GPR132: variants seen among roughly 807,000 people sequenced by gnomAD.
GPR132 encodes the protein probable G protein-coupled receptor 132.
GPR132 carries 4 observed loss-of-function variants against 1.9 expected under a neutral mutation model. That is an observed-to-expected ratio of 2.13 (90% CI 1.05 to 4.87). The LOEUF (loss-of-function observed/expected upper bound fraction) is 4.87, where lower values mean the gene tolerates loss of function less well. Among genes scored for constraint, GPR132 ranks in the 30% most tolerant of loss-of-function variants. The pLI, the probability that GPR132 is intolerant of heterozygous loss-of-function variation, is 0.01. For synonymous variants in GPR132, 233 were observed against 234.2 expected (o/e 0.99, Z 0.05); for missense variants, 404 against 512.5 (o/e 0.79, Z 2.04).
At position 105,051,123 on chromosome 14, in the gene GPR132, G is replaced by A. The variant is rs777642476; in HGVS notation, c.1014C>T (p.Leu338=). The A allele has an allele frequency of 3.7e-6, 6 of 1,614,072 alleles. No individual in the cohort carries two copies. Among genetic ancestry groups the A allele is most frequent in the Admixed American group, 1.7e-5 (1 of 60,006 alleles). Residue 338 remains leucine (L), a synonymous_variant, in exon 4 of 4, where the codon CTC becomes CTT. Transcript: ENST00000329797. The surrounding 1 kb of genome is among the most constrained non-coding windows in gnomAD (Gnocchi z 8.0). ...GCTCCTCGGTGTCCCTGCTGTGGGT[G>A]AGCCTGGTGACGTCTGTCTTCATGG... ...EWSMKTDVTR[L]THSRDTEELQ...
chr14:105,059,437 G>T lies in GPR132; in HGVS notation c.-860-2157C>A, dbSNP rs1392413634. The stretch of plus-strand genomic sequence containing the variant: ...AGTATCTTGGGCCCCTTCAAGCTGG[G>T]AACTGCTCAGCGCCGATCTGCCTGG... On this transcript the variant is annotated intron_variant, in intron 1 of 3. Transcript: ENST00000329797. The surrounding 1 kb of genome is among the most constrained non-coding windows in gnomAD (Gnocchi z 4.2). Among the ~76,000 whole-genome samples the T allele has an allele frequency of 1.3e-5, 2 of 152,138 alleles. No homozygotes were observed. Among genetic ancestry groups the T allele is most frequent in the Admixed American group, 1.3e-4 (2 of 15,280 alleles).
chr14:105,051,968 C>T lies in GPR132; in HGVS notation c.169G>A (p.Val57Met). Residue 57 changes from valine (V) to methionine (M), a missense_variant, in exon 4 of 4, where the codon GTG becomes ATG. Physicochemically the swap from Val to Met is conservative, Grantham distance 21. Coordinates refer to ENST00000329797, the MANE Select transcript of GPR132 (RefSeq NM_013345.4). This position sits in a 1 kb window ranked among gnomAD's most constrained non-coding sequence, Gnocchi z 8.0. ...CACGCAGTCAGGCAGTTGGCCGGCA[C>T]CCCCAGCGTGCACACCGCGCTGTAC... ...VVYSAVCTLG[V>M]PANCLTAWLA... 1 of 1,613,266 alleles carries T rather than the reference C, an allele frequency of 6.2e-7. No homozygotes were observed. Among genetic ancestry groups the T allele is most frequent in the Non-Finnish European group, 8.5e-7 (1 of 1,179,930 alleles).
At position 105,059,147 on chromosome 14, in the gene GPR132, C is replaced by T. The variant is rs558752303; in HGVS notation, c.-860-1867G>A. ...GCACACTCCCCTCCCAGGGCAGGGCCGGCCCGGCTGCGGGCAGAGCCCCTA... is the reference window on the plus strand; with the variant it reads ...GCACACTCCCCTCCCAGGGCAGGGCTGGCCCGGCTGCGGGCAGAGCCCCTA... On this transcript the variant is annotated intron_variant, in intron 1 of 3. Coordinates refer to ENST00000329797, the MANE Select transcript of GPR132 (RefSeq NM_013345.4). This position sits in a 1 kb window ranked among gnomAD's most constrained non-coding sequence, Gnocchi z 4.2. Among the ~76,000 whole-genome samples the T allele has an allele frequency of 2.6e-5, 4 of 152,318 alleles. No homozygotes were observed. The highest frequency in any genetic ancestry group is 3.9e-4 in the East Asian group (2 of 5,172).
chr14:105,054,202 C>T (rs535209579), intron 3 of GPR132: 2 of 1,220,174 alleles, frequency 1.6e-6, no homozygotes, highest in South Asian at 1.4e-5. Context: ...ACTTATTGGG[C>T]CACAGCAGCC....
At chr14:105,057,103 G>T in intron 2 of GPR132, 64 bp downstream of exon 2, 1 of 1,219,918 alleles carries the variant, frequency 8.2e-7, no homozygotes, top group Non-Finnish European at 1.2e-6. Flanking sequence ...GAGACAACAT[G>T]CTTCATGGAA....
In GPR132 at chr14:105,060,509, C is replaced by G. The variant is rs1566736571; in HGVS notation, c.-860-3229G>C. Among the ~76,000 whole-genome samples the G allele has an allele frequency of 6.6e-6, 1 of 152,232 alleles. No homozygotes were observed. The highest frequency in any genetic ancestry group is 2.4e-5 in the African/African-American group (1 of 41,464). On this transcript the variant is annotated intron_variant, in intron 1 of 3. Transcript: ENST00000329797. The surrounding 1 kb of genome is among the most constrained non-coding windows in gnomAD (Gnocchi z 6.3). ...CAGTGGCCCTAGAAGCCCACATACT[C>G]TTGCTCGCTGGTGTCTACTCCGATT... is the stretch of plus-strand genomic sequence containing the variant.
At position 105,051,969 on chromosome 14, in the gene GPR132, C is replaced by T; in HGVS notation, c.168G>A (p.Gly56=). ...ACGCAGTCAGGCAGTTGGCCGGCACCCCCAGCGTGCACACCGCGCTGTACA... is the reference window on the plus strand; with the variant it reads ...ACGCAGTCAGGCAGTTGGCCGGCACTCCCAGCGTGCACACCGCGCTGTACA... ...VVVYSAVCTL[G]VPANCLTAWL... The change falls in exon 4 of 4, where the codon GGG becomes GGA. Residue 56 remains glycine (G), a synonymous_variant. Coordinates refer to ENST00000329797, the MANE Select transcript of GPR132 (RefSeq NM_013345.4). This position sits in a 1 kb window ranked among gnomAD's most constrained non-coding sequence, Gnocchi z 8.0. 1 of 1,613,386 alleles carries T rather than the reference C, an allele frequency of 6.2e-7. No individual in the cohort carries two copies. Among genetic ancestry groups the T allele is most frequent in the Non-Finnish European group, 8.5e-7 (1 of 1,179,968 alleles).
intron 1 of GPR132, among the ~76,000 whole-genome samples, chr14:105,061,507 G>A (rs765481133): frequency 3.9e-5 from 6 of 152,150 alleles, no homozygotes; most frequent in Non-Finnish European, 7.4e-5. Flanking sequence ...GGCCCCACCC[G>A]CCAGCTGCAG....
At chr14:105,065,018 C>T (rs1887047904) in intron 1 of GPR132, among the ~76,000 whole-genome samples, 1 of 151,924 alleles carries the variant, frequency 6.6e-6, no homozygotes. Flanking sequence ...AGCAAGTGGC[C>T]AAGGAGAGAT....
chr14:105,063,286 A>T (rs1886997880), intron 1 of GPR132, among the ~76,000 whole-genome samples: 1 of 151,726 alleles, frequency 6.6e-6, no homozygotes, highest in African/African-American at 2.4e-5. Context: ...CAATAACAGG[A>T]TCTAGCATGA....
intron 3 of GPR132, chr14:105,054,001 G>C: frequency 1.6e-6 from 2 of 1,273,914 alleles, no homozygotes; most frequent in Non-Finnish European, 2.0e-6. Context: ...GGTCACGCAG[G>C]GTGTGCAGTG....
At position 105,056,403 on chromosome 14, in the gene GPR132, T is replaced by A. The variant is rs1280307314; in HGVS notation, c.-746-237A>T. Among the ~76,000 whole-genome samples the A allele has an allele frequency of 2.6e-5, 4 of 152,116 alleles. No homozygotes were observed. The highest frequency in any genetic ancestry group is 9.7e-5 in the African/African-American group (4 of 41,420). On this transcript the variant is annotated intron_variant, in intron 2 of 3. Coordinates refer to ENST00000329797, the MANE Select transcript of GPR132 (RefSeq NM_013345.4). The surrounding 1 kb of genome is among the most constrained non-coding windows in gnomAD (Gnocchi z 6.0). ...AGCTCAGAGGAAGTTTCGGGCCCCC[T>A]ACACGGCCCCGTCTCTTTCATGACA...
In GPR132 at chr14:105,051,863, T is replaced by C; in HGVS notation, c.274A>G (p.Thr92Ala). The C allele has an allele frequency of 6.2e-7, 1 of 1,613,920 alleles. No homozygotes were observed. The highest frequency in any genetic ancestry group is 8.5e-7 in the Non-Finnish European group (1 of 1,180,006). Residue 92 changes from threonine (T) to alanine (A), a missense_variant, in exon 4 of 4, where the codon ACA becomes GCA. Coordinates refer to ENST00000329797, the MANE Select transcript of GPR132 (RefSeq NM_013345.4). This position sits in a 1 kb window ranked among gnomAD's most constrained non-coding sequence, Gnocchi z 8.0. ...ATGACCCAGAGTGGCAGCGTGCCTG[T>C]GTACAGCAGCTCGCAGAGTGCCAGG... is the stretch of plus-strand genomic sequence containing the variant. ...LCLALCELLY[T>A]GTLPLWVIYI...
rs528562365 is a variant in GPR132 at position 105,056,414 on chromosome 14, G to A, written c.-746-248C>T. On this transcript the variant is annotated intron_variant, in intron 2 of 3. Coordinates refer to ENST00000329797, the MANE Select transcript of GPR132 (RefSeq NM_013345.4). The surrounding 1 kb of genome is among the most constrained non-coding windows in gnomAD (Gnocchi z 6.0). ...AGTTTCGGGCCCCCTACACGGCCCCGTCTCTTTCATGACAATCACAGGCCC... is the reference window on the plus strand; with the variant it reads ...AGTTTCGGGCCCCCTACACGGCCCCATCTCTTTCATGACAATCACAGGCCC... Among the ~76,000 whole-genome samples, 11 of 152,282 alleles carry A rather than the reference G, an allele frequency of 7.2e-5. No homozygotes were observed. The East Asian group carries it at 1.2e-3, about 16-fold the overall frequency.
chr14:105,063,748 T>G (rs1023881542), intron 1 of GPR132, among the ~76,000 whole-genome samples: 12 of 152,298 alleles, frequency 7.9e-5, no homozygotes, highest in African/African-American at 2.9e-4. Context: ...GCCCCTGCCA[T>G]GTGCAGGGAG....
chr14:105,057,086 G>T, intron 2 of GPR132, 81 bp downstream of exon 2: 2 of 990,604 alleles, frequency 2.0e-6, no homozygotes, highest in Non-Finnish European at 1.5e-6. Context: ...GTTAATTTTT[G>T]AATTATGAGA....
Position 105,051,889 on chromosome 14 carries a change from C to T in GPR132, c.248G>A (p.Cys83Tyr). The T allele has an allele frequency of 1.2e-6, 2 of 1,613,660 alleles. No individual in the cohort carries two copies. Among genetic ancestry groups the T allele is most frequent in the Non-Finnish European group, 1.7e-6 (2 of 1,179,924 alleles). ...GTACAGCAGCTCGCAGAGTGCCAGG[C>T]AGAGCAGGTAGACGGCCAGCACGTT... is the stretch of plus-strand genomic sequence containing the variant. The part of the protein sequence containing the change: ...QGNVLAVYLL[C>Y]LALCELLYTG... Residue 83 changes from cysteine (C) to tyrosine (Y), a missense_variant, in exon 4 of 4, where the codon TGC becomes TAC. Transcript: ENST00000329797. The surrounding 1 kb of genome is among the most constrained non-coding windows in gnomAD (Gnocchi z 8.0).
chr14:105,055,576 C>T lies in GPR132; in HGVS notation c.-156G>A. 1 of 693,718 alleles carries T rather than the reference C, an allele frequency of 1.4e-6. No individual in the cohort carries two copies. Among genetic ancestry groups the T allele is most frequent in the South Asian group, 1.6e-5 (1 of 61,836 alleles). The allele number at this position is 693,718 out of a possible 1,614,324, so 43.0% of individuals were successfully genotyped here. A position where few individuals can be genotyped will look rare whatever the true frequency, so the allele number is the denominator to read the frequency against. On this transcript the variant is annotated 5_prime_UTR_variant, in exon 3 of 4. Transcript: ENST00000329797. This position sits in a 1 kb window ranked among gnomAD's most constrained non-coding sequence, Gnocchi z 4.7. ...TCTGTGCGCTGGGCTCCCCTGTCACCTCCCCACGTGGGTGGGCATCTCTGC... is the reference window on the plus strand; with the variant it reads ...TCTGTGCGCTGGGCTCCCCTGTCACTTCCCCACGTGGGTGGGCATCTCTGC...
intron 1 of GPR132, among the ~76,000 whole-genome samples, chr14:105,064,846 G>T (rs911012029): frequency 1.7e-4 from 26 of 152,136 alleles, no homozygotes; most frequent in Admixed American, 1.3e-4. Context: ...CCAAAGGCCG[G>T]TGACCTGCCC....
Sources: gnomAD v4.1 joint callset for allele counts (sites outside exome capture counted in the v4.1 genomes callset) on GRCh38, gnomAD v4.1.1 for gene constraint, Gnocchi (gnomAD v3.1) non-coding constraint, MANE v1.5 for transcripts, NCBI Gene and HGNC (gene_info 2026-07-23, HGNC 2026-07-21) for gene names.